Variants in FHOD3 observed in about 807,000 individuals in gnomAD.
FHOD3 encodes FH1/FH2 domain-containing protein 3.
A neutral mutation model predicts 173.0 loss-of-function variants in FHOD3; 90 were observed. The ratio of observed to expected loss-of-function variants is 0.52; its 90% CI spans 0.44 to 0.62. FHOD3 has a LOEUF of 0.62. Ranked by LOEUF, FHOD3 falls within the 20% of genes least tolerant of loss-of-function variation. The pLI, the probability that FHOD3 is intolerant of heterozygous loss-of-function variation, is 0.00. For missense variants in FHOD3, 1,945 were observed against 2,034.7 expected (o/e 0.96, Z 0.85); for synonymous variants, 828 against 823.0 (o/e 1.01, Z -0.10).
At chr18:36,422,657 C>T (rs80017112) in intron 3 of FHOD3, among the ~76,000 whole-genome samples, 23 of 152,318 alleles carry the variant, frequency 1.5e-4, no homozygotes, top group African/African-American at 5.1e-4. Flanking sequence ...ACTCTGCAGG[C>T]TGACCTAAGG....
intron 3 of FHOD3, among the ~76,000 whole-genome samples, chr18:36,458,570 A>G (rs994155560): frequency 6.6e-6 from 1 of 150,636 alleles, no homozygotes; most frequent in African/African-American, 2.4e-5. Flanking sequence ...CTGCCCCTCC[A>G]TTGGCCTGTG....
intron 1 of FHOD3, among the ~76,000 whole-genome samples, chr18:36,316,719 A>ATT (rs149259705): frequency 4.7e-5 from 7 of 149,516 alleles, no homozygotes; most frequent in African/African-American, 1.7e-4. Context: ...GGTGGGCTTC[A>ATT]TTTTTTTTTT....
At chr18:36,754,312 T>C (rs1429698389) in intron 24 of FHOD3, among the ~76,000 whole-genome samples, 1 of 152,154 alleles carries the variant, frequency 6.6e-6, no homozygotes, top group Non-Finnish European at 1.5e-5. Flanking sequence ...CTATAAATAG[T>C]GGTATCATTT....
intron 7 of FHOD3, among the ~76,000 whole-genome samples, chr18:36,597,856 TATC>T (rs1261420150): frequency 6.6e-6 from 1 of 152,158 alleles, no homozygotes; most frequent in African/African-American, 2.4e-5. Context: ...AGAAATAGCT[TATC>T]ATGTGTGGCT....
intron 16 of FHOD3, among the ~76,000 whole-genome samples, chr18:36,692,265 G>A (rs1437372687): frequency 2.6e-5 from 4 of 152,240 alleles, no homozygotes; most frequent in African/African-American, 9.6e-5. Context: ...CATGTCTAAT[G>A]CCCATTGTGA....
At chr18:36,732,528 C>A (rs996237404) in intron 20 of FHOD3, among the ~76,000 whole-genome samples, 4 of 152,180 alleles carry the variant, frequency 2.6e-5, no homozygotes, top group African/African-American at 9.6e-5. Flanking sequence ...TGTCTTCAAA[C>A]AGCATTCTCC....
At chr18:36,687,007 T>C in intron 15 of FHOD3, 121 bp from the exon 16 acceptor site, 1 of 659,604 alleles carries the variant, frequency 1.5e-6, no homozygotes, top group Non-Finnish European at 2.5e-6. Context: ...ACAACCATTT[T>C]ACATTTCTGA....
At chr18:36,490,003 C>T (rs957544691) in intron 3 of FHOD3, among the ~76,000 whole-genome samples, 5 of 152,182 alleles carry the variant, frequency 3.3e-5, no homozygotes, top group African/African-American at 1.2e-4. Flanking sequence ...GGCAGTTGTA[C>T]TGCGTTTGAG....
intron 6 of FHOD3, among the ~76,000 whole-genome samples, chr18:36,583,501 A>G (rs2058926176): frequency 6.6e-6 from 1 of 152,296 alleles, no homozygotes; most frequent in East Asian, 1.9e-4. Flanking sequence ...CTTTTGTCTC[A>G]AAGAGGAGAA....
At chr18:36,374,741 A>C (rs76741419) in intron 3 of FHOD3, among the ~76,000 whole-genome samples, 8,714 of 152,292 alleles carry the variant, frequency 0.057, 800 homozygotes, top group African/African-American at 0.19. Context: ...CAATGGGTAG[A>C]TCCTTATTCA....
At chr18:36,578,042 G>C (rs1369895153) in intron 6 of FHOD3, among the ~76,000 whole-genome samples, 1 of 152,200 alleles carries the variant, frequency 6.6e-6, no homozygotes, top group Non-Finnish European at 1.5e-5. Context: ...ATGGTCAGAT[G>C]GAGTGGGGGA....
At chr18:36,653,690 C>T (rs555062771) in intron 13 of FHOD3, among the ~76,000 whole-genome samples, 4 of 152,240 alleles carry the variant, frequency 2.6e-5, no homozygotes, top group South Asian at 2.1e-4. Context: ...CTGTTGCCTG[C>T]GTTATGAGCT....
At chr18:36,467,691 A>C (rs1199523313) in intron 3 of FHOD3, among the ~76,000 whole-genome samples, 1 of 152,204 alleles carries the variant, frequency 6.6e-6, no homozygotes, top group African/African-American at 2.4e-5. Flanking sequence ...CTACCCTAGG[A>C]CCGTTGAAGA....
chr18:36,483,185 G>A (rs770156050), intron 3 of FHOD3, among the ~76,000 whole-genome samples: 46 of 152,204 alleles, frequency 3.0e-4, no homozygotes, highest in Non-Finnish European at 6.3e-4. Context: ...TTGAAGGCCA[G>A]TCACAAAGAT....
chr18:36,433,540 A>T (rs2050662639), intron 3 of FHOD3, among the ~76,000 whole-genome samples: 3 of 152,256 alleles, frequency 2.0e-5, no homozygotes, highest in Non-Finnish European at 4.4e-5. Context: ...TATTCTGGGC[A>T]TGTGGTCTAG....
In FHOD3 at chr18:36,435,801, G is replaced by A. The variant is rs60036493; in HGVS notation, c.337+63057G>A. Among the ~76,000 whole-genome samples the A allele has an allele frequency of 6.7e-3, 1,013 of 152,210 alleles. 8 individuals carry two copies. Among genetic ancestry groups the A allele is most frequent in the African/African-American group, 0.023 (946 of 41,558 alleles). On this transcript the variant is annotated intron_variant, in intron 3 of 28. Transcript: ENST00000590592. ...ATATGATGGAAGAAGTCTTTTCAGC[G>A]TTATTACTGATAAACACAACTAGCT... is the stretch of plus-strand genomic sequence containing the variant.
At position 36,640,390 on chromosome 18, in the gene FHOD3, G is replaced by A. The variant is rs557051925; in HGVS notation, c.1197-8926G>A. On this transcript the variant is annotated intron_variant, in intron 10 of 28. Coordinates refer to ENST00000590592, the MANE Select transcript of FHOD3 (RefSeq NM_001281740.3). The stretch of plus-strand genomic sequence containing the variant: ...TCTTAACTGATTACGATTGCTAATT[G>A]GAAGTTTTCAAATGTTACCTTGGGC... Among the ~76,000 whole-genome samples, 3 of 152,272 alleles carry A rather than the reference G, an allele frequency of 2.0e-5. No individual in the cohort carries two copies. In the South Asian group the frequency reaches 6.2e-4, roughly 32 times the overall value.
chr18:36,329,857 A>G (rs190921763), intron 1 of FHOD3, among the ~76,000 whole-genome samples: 1 of 152,354 alleles, frequency 6.6e-6, no homozygotes, highest in East Asian at 1.9e-4. Context: ...GCCCGTTGCC[A>G]TCAACCTGAG....
rs2036138241 is a variant in FHOD3, at chr18:36,652,600, C to T, written c.1317C>T (p.Pro439=). ...SKVGAASGQS[P]TGRDAAPKSS... is the part of the protein sequence containing the mutation. ...TCGGCGCTGCCTCAGGGCAGAGCCC[C>T]ACTGGAAGGGATGCTGCTCCCAAGA... The change falls in exon 12 of 29, where the codon CCC becomes CCT. Residue 439 remains proline, a synonymous_variant. Coordinates refer to ENST00000590592, the MANE Select transcript of FHOD3 (RefSeq NM_001281740.3). The T allele has an allele frequency of 1.3e-6, 2 of 1,534,528 alleles. No individual in the cohort carries two copies. Among genetic ancestry groups the T allele is most frequent in the South Asian group, 2.4e-5 (2 of 83,978 alleles).
Sources: allele counts gnomAD v4.1 joint callset (sites outside exome capture counted in the v4.1 genomes callset), GRCh38; gene constraint gnomAD v4.1.1; transcripts MANE v1.5; gene names NCBI Gene and HGNC (gene_info 2026-07-23, HGNC 2026-07-21).